Variants in SUGCT observed in about 807,000 individuals in gnomAD.
SUGCT encodes succinyl-CoA:glutarate CoA-transferase.
A neutral mutation model predicts 55.0 loss-of-function variants in SUGCT; 41 were observed. The observed-to-expected ratio is 0.74, with a 90% confidence interval of 0.58 to 0.97. The LOEUF is 0.97. Ranked by LOEUF, SUGCT falls within the 50% of genes least tolerant of loss-of-function variation. SUGCT has a pLI of 0.00. For missense variants in SUGCT, 568 were observed against 547.8 expected (o/e 1.04, Z -0.37); for synonymous variants, 187 against 200.4 (o/e 0.93, Z 0.56).
At chr7:40,828,920 A>T (rs1407325597) in intron 13 of SUGCT, among the ~76,000 whole-genome samples, 1 of 152,194 alleles carries the variant, frequency 6.6e-6, no homozygotes, top group Non-Finnish European at 1.5e-5. Context: ...GCATGACTTT[A>T]GTTGTCTTTG....
intron 12 of SUGCT, among the ~76,000 whole-genome samples, chr7:40,688,122 C>T (rs1784543699): frequency 1.3e-5 from 2 of 152,144 alleles, no homozygotes; most frequent in African/African-American, 4.8e-5. Flanking sequence ...ATGCAATGGT[C>T]AGTAATTATT....
the SUGCT span, among the ~76,000 whole-genome samples, chr7:40,941,165 T>C: frequency 6.6e-6 from 1 of 151,982 alleles, no homozygotes; most frequent in Non-Finnish European, 1.5e-5. Flanking sequence ...TGTGGTGAAT[T>C]AAATTAAAGG....
intron 8 of SUGCT, among the ~76,000 whole-genome samples, chr7:40,289,486 G>T (rs1359676988): frequency 6.6e-6 from 1 of 152,056 alleles, no homozygotes; most frequent in Non-Finnish European, 1.5e-5. Context: ...AACAAATTAG[G>T]TATTGATGGG....
intron 13 of SUGCT, among the ~76,000 whole-genome samples, chr7:40,858,403 CAAAAAAAAAAAA>C (rs58628576): frequency 7.8e-4 from 27 of 34,752 alleles, no homozygotes; most frequent in Admixed American, 7.6e-3. Context: ...AATTCCATCT[CAAAAAAAAAAAA>C]AAAAAAAAAA....
intron 6 of SUGCT, among the ~76,000 whole-genome samples, 167 bp from the exon 7 acceptor site, chr7:40,237,468 C>T (rs1227325261): frequency 6.6e-6 from 1 of 151,922 alleles, no homozygotes; most frequent in African/African-American, 2.4e-5. Flanking sequence ...TAGCCGGGGT[C>T]GAGCACTATA....
intron 12 of SUGCT, among the ~76,000 whole-genome samples, chr7:40,616,352 C>T (rs1271582909): frequency 1.3e-5 from 2 of 152,140 alleles, no homozygotes; most frequent in Non-Finnish European, 2.9e-5. Flanking sequence ...TGAACCACCA[C>T]GCCCAACTAA....
At chr7:40,344,346 G>A (rs570772999) in intron 9 of SUGCT, among the ~76,000 whole-genome samples, 1 of 152,098 alleles carries the variant, frequency 6.6e-6, no homozygotes, top group African/African-American at 2.4e-5. Flanking sequence ...CTATCCTTGG[G>A]CTTATTTATT....
chr7:40,517,001 T>G (rs1307220166), intron 12 of SUGCT, among the ~76,000 whole-genome samples: 2 of 152,110 alleles, frequency 1.3e-5, no homozygotes, highest in African/African-American at 4.8e-5. Context: ...CTTTAATTGC[T>G]TCCAAAAATG....
chr7:40,545,315 G>A (rs553925051), intron 12 of SUGCT, among the ~76,000 whole-genome samples: 1 of 152,300 alleles, frequency 6.6e-6, no homozygotes, highest in South Asian at 2.1e-4. Flanking sequence ...CTCTCTGCTG[G>A]AAGAAGTCCT....
chr7:40,657,898 C>G (rs1165120736), intron 12 of SUGCT, among the ~76,000 whole-genome samples: 2 of 152,186 alleles, frequency 1.3e-5, no homozygotes, highest in African/African-American at 4.8e-5. Flanking sequence ...AGATAAATGT[C>G]TGGCTGAAGC....
rs751538525 is a variant in SUGCT, at chr7:40,188,594, C to T, written c.312+14C>T. 6.4e-7 allele frequency: 1 copy of T among 1,564,456 alleles called. No homozygotes were observed. Among genetic ancestry groups the T allele is most frequent in the Non-Finnish European group, 8.7e-7 (1 of 1,150,970 alleles). On this transcript the variant is annotated intron_variant, in intron 4 of 13. Coordinates refer to ENST00000335693, the MANE Select transcript of SUGCT (RefSeq NM_001193313.2). ...CGAAATAAAAAAGTAAGAATATCAT[C>T]CCTTTTTTGCTTTTTGTGTGTAATT...
At chr7:40,173,787 C>T (rs968408467) in intron 1 of SUGCT, among the ~76,000 whole-genome samples, 3 of 150,936 alleles carry the variant, frequency 2.0e-5, no homozygotes, top group African/African-American at 7.3e-5. Context: ...ATACATCTGT[C>T]AAAATTTATT....
chr7:40,322,683 G>A (rs1290494942), intron 9 of SUGCT, among the ~76,000 whole-genome samples: 4 of 152,210 alleles, frequency 2.6e-5, no homozygotes, highest in Non-Finnish European at 4.4e-5. Flanking sequence ...ACCAGAGCCA[G>A]TCATGGTGGC....
At chr7:40,511,156 A>T (rs191042632) in intron 12 of SUGCT, among the ~76,000 whole-genome samples, 1 of 152,296 alleles carries the variant, frequency 6.6e-6, no homozygotes, top group African/African-American at 2.4e-5. Flanking sequence ...AATCTTATAG[A>T]CATCAGCTTA....
intron 9 of SUGCT, among the ~76,000 whole-genome samples, chr7:40,322,973 T>TAAATAAAATAAAATAAAATAAAATA (rs57592916): frequency 0.24 from 34,411 of 146,234 alleles, 4,741 homozygotes; most frequent in African/African-American, 0.35. Flanking sequence ...TCAAATAAAA[T>TAAATAAAATAAAATAAAATAAAATA]AAATAAAATA....
At chr7:40,805,005 T>C (rs574712501) in intron 13 of SUGCT, among the ~76,000 whole-genome samples, 112 of 152,318 alleles carry the variant, frequency 7.4e-4, no homozygotes, top group African/African-American at 2.5e-3. Flanking sequence ...GTACTTATTC[T>C]GGATCTGTTT....
chr7:40,424,328 TACTTGATATGTGTGTA>T (rs1207406063), intron 9 of SUGCT, among the ~76,000 whole-genome samples: 1 of 152,172 alleles, frequency 6.6e-6, no homozygotes, highest in Non-Finnish European at 1.5e-5. Flanking sequence ...TTTTTGCACA[TACTTGATATGTGTGTA>T]GGTGTGTGGA....
intron 12 of SUGCT, among the ~76,000 whole-genome samples, chr7:40,523,619 A>AT (rs770318545): frequency 2.0e-5 from 3 of 152,102 alleles, no homozygotes; most frequent in East Asian, 3.9e-4. Context: ...TTAAGGTCCC[A>AT]TTGAAGGTTC....
intron 11 of SUGCT, among the ~76,000 whole-genome samples, chr7:40,489,140 TTTTTTTTC>T (rs1366737344): frequency 6.6e-6 from 1 of 151,930 alleles, no homozygotes; most frequent in African/African-American, 2.4e-5. Flanking sequence ...CATTCTTCAT[TTTTTTTTC>T]TTTTTCTCCA....
Sources: gnomAD v4.1 joint callset for allele counts (sites outside exome capture counted in the v4.1 genomes callset) on GRCh38, gnomAD v4.1.1 for gene constraint, MANE v1.5 for transcripts, NCBI Gene and HGNC (gene_info 2026-07-23, HGNC 2026-07-21) for gene names.